DENND4A: variants seen among roughly 807,000 people sequenced by gnomAD.
DENND4A encodes the protein C-myc promoter-binding protein.
In DENND4A, 70 loss-of-function variants were observed where a neutral mutation model predicts 199.3. The observed-to-expected ratio is 0.35, with a 90% CI of 0.29 to 0.43. The LOEUF (loss-of-function observed/expected upper bound fraction) is 0.43, where lower values mean the gene tolerates loss of function less well. Among genes scored for constraint, DENND4A ranks in the 20% least tolerant of loss-of-function variants. The pLI is 1.00. For synonymous variants in DENND4A, 686 were observed against 766.9 expected (o/e 0.89, Z 1.74); for missense variants, 1,723 against 2,255.8 (o/e 0.76, Z 4.78).
intron 10 of DENND4A, 96 bp from the exon 11 acceptor site, chr15:65,729,343 A>ATT: frequency 7.1e-7 from 1 of 1,404,462 alleles, no homozygotes; most frequent in Non-Finnish European, 9.9e-7. Flanking sequence ...GTATTATCTA[A>ATT]AGCCTAATGC....
chr15:65,714,599 C>T (rs1334177703), intron 14 of DENND4A, among the ~76,000 whole-genome samples: 1 of 152,114 alleles, frequency 6.6e-6, no homozygotes, highest in Admixed American at 6.6e-5. Flanking sequence ...ATGCTGGCAC[C>T]TCTCTCATCT....
Position 65,696,297 on chromosome 15 carries a change from A to G in DENND4A, c.3082+69T>C. 3 of 1,522,884 alleles carry G rather than the reference A, an allele frequency of 2.0e-6. No homozygotes were observed. In the Admixed American group the frequency reaches 6.4e-5, roughly 32 times the overall value. The allele number at this position is 1,522,884 out of a possible 1,614,324, so 94.3% of individuals were successfully genotyped here. A position where few individuals can be genotyped will look rare whatever the true frequency, so the allele number is the denominator to read the frequency against. Reference sequence around the variant, plus strand: ...CTTGGAGAATTAAGACTATTAAAAAAATAAGTATTCACTAGTCATACAGAT... The same window carrying G: ...CTTGGAGAATTAAGACTATTAAAAAGATAAGTATTCACTAGTCATACAGAT... On this transcript the variant is annotated intron_variant, in intron 22 of 32. Transcript: ENST00000443035.
chr15:65,778,314 T>C (rs1596687457), intron 1 of DENND4A, among the ~76,000 whole-genome samples: 1 of 152,122 alleles, frequency 6.6e-6, no homozygotes, highest in Non-Finnish European at 1.5e-5. Context: ...TTTTCTTCTC[T>C]GGTGATAACA....
In DENND4A at chr15:65,706,099, T is replaced by C; in HGVS notation, c.2079A>G (p.Leu693=). The change falls in exon 15 of 33, where the codon TTA becomes TTG. Residue 693 remains leucine (L), a synonymous_variant. Coordinates refer to ENST00000443035, the MANE Select transcript of DENND4A (RefSeq NM_001320835.1). ...PHLPNGEEPP[L]QYSYNGFPVL... ...TTCTGCCTCTTGAATACCTGTACTGTAAAGGGGGTTCTTCACCATTGGGTA... is the reference window on the plus strand; with the variant it reads ...TTCTGCCTCTTGAATACCTGTACTGCAAAGGGGGTTCTTCACCATTGGGTA... 1 of 1,598,038 alleles carries C rather than the reference T, an allele frequency of 6.3e-7. No individual in the cohort carries two copies. The highest frequency in any genetic ancestry group is 1.7e-5 in the Admixed American group (1 of 57,566).
chr15:65,736,721 T>G (rs1298031033), intron 7 of DENND4A, among the ~76,000 whole-genome samples: 2 of 152,162 alleles, frequency 1.3e-5, no homozygotes, highest in Admixed American at 6.5e-5. Context: ...CCCTCCCTTT[T>G]CTACCTACAT....
intron 1 of DENND4A, chr15:65,771,222 C>A (rs721151): frequency 0.021 from 33,103 of 1,607,878 alleles, 448 homozygotes; most frequent in Middle Eastern, 0.066. Flanking sequence ...TTACAGTTGT[C>A]CATGCTCAAG....
At chr15:65,776,786 G>A (rs955707265) in intron 1 of DENND4A, among the ~76,000 whole-genome samples, 10 of 152,180 alleles carry the variant, frequency 6.6e-5, no homozygotes, top group Admixed American at 3.3e-4. Context: ...GTCCATCCAC[G>A]TGCAGTGGTG....
chr15:65,734,062 C>T (rs908603520), intron 7 of DENND4A, among the ~76,000 whole-genome samples: 1 of 152,158 alleles, frequency 6.6e-6, no homozygotes, highest in African/African-American at 2.4e-5. Flanking sequence ...GTCCCCTAGC[C>T]CGACACCTGT....
intron 1 of DENND4A, among the ~76,000 whole-genome samples, chr15:65,788,719 G>C (rs1395513080): frequency 6.6e-6 from 1 of 151,982 alleles, no homozygotes; most frequent in Non-Finnish European, 1.5e-5. Flanking sequence ...GCCAAGCACA[G>C]TGGTGCACAC....
chr15:65,723,862 C>T (rs2075722438), intron 11 of DENND4A, among the ~76,000 whole-genome samples: 1 of 152,098 alleles, frequency 6.6e-6, no homozygotes, highest in Non-Finnish European at 1.5e-5. Flanking sequence ...ATAACTGAAA[C>T]CATGGAAAAC....
intron 7 of DENND4A, among the ~76,000 whole-genome samples, chr15:65,735,717 G>T (rs928702367): frequency 6.6e-6 from 1 of 152,192 alleles, no homozygotes; most frequent in Non-Finnish European, 1.5e-5. Flanking sequence ...TGGTTGTCTT[G>T]ATTTTGGAAA....
intron 1 of DENND4A, among the ~76,000 whole-genome samples, chr15:65,767,748 G>A (rs181029215): frequency 6.6e-4 from 101 of 152,168 alleles, no homozygotes; most frequent in African/African-American, 2.3e-3. Flanking sequence ...GAAGCAGAAA[G>A]GAATCTACAG....
intron 23 of DENND4A, chr15:65,680,646 C>A (rs2076541157): frequency 6.6e-6 from 1 of 152,038 alleles, no homozygotes; most frequent in Admixed American, 6.6e-5. Context: ...AGTATAGCAA[C>A]AATAACCATT....
intron 1 of DENND4A, among the ~76,000 whole-genome samples, chr15:65,779,448 A>AAAAAAAAAAAAAAAAGAGAAGG (rs1203049619): frequency 7.1e-6 from 1 of 140,816 alleles, no homozygotes; most frequent in Non-Finnish European, 1.6e-5. Context: ...ACTCTGTCTC[A>AAAAAAAAAAAAAAAAGAGAAGG]AAAAAAAAAA....
rs1450343224 is a variant in DENND4A at position 65,718,014 on chromosome 15, G to A, written c.1589-18C>T. The A allele has an allele frequency of 1.9e-6, 3 of 1,539,846 alleles. No homozygotes were observed. Among genetic ancestry groups the A allele is most frequent in the Non-Finnish European group, 1.8e-6 (2 of 1,137,844 alleles). Reference sequence around the variant, plus strand: ...CTGCTGCACTGTGAAGACATACAGTGTTAGTGTTTTCTCCAAACTCACAAA... The same window carrying A: ...CTGCTGCACTGTGAAGACATACAGTATTAGTGTTTTCTCCAAACTCACAAA... On this transcript the variant is annotated intron_variant, in intron 12 of 32. Transcript: ENST00000443035.
At chr15:65,767,642 T>C (rs1348982994) in intron 1 of DENND4A, among the ~76,000 whole-genome samples, 2 of 152,136 alleles carry the variant, frequency 1.3e-5, no homozygotes, top group Admixed American at 6.5e-5. Context: ...CTGATACCAT[T>C]ATCGAGTACC....
intron 5 of DENND4A, among the ~76,000 whole-genome samples, chr15:65,740,779 A>C (rs1380585199): frequency 6.6e-6 from 1 of 151,904 alleles, no homozygotes; most frequent in Non-Finnish European, 1.5e-5. Flanking sequence ...TGGGCAACCT[A>C]AGAAAGACCC....
chr15:65,749,284 C>T (rs1034725550), intron 4 of DENND4A, among the ~76,000 whole-genome samples: 12 of 152,168 alleles, frequency 7.9e-5, no homozygotes, highest in Non-Finnish European at 1.5e-5. Context: ...CTTGCTTTAA[C>T]TACTAATTGA....
intron 32 of DENND4A, 84 bp downstream of exon 32, chr15:65,664,246 A>G (rs533207008): frequency 1.2e-5 from 9 of 770,990 alleles, no homozygotes; most frequent in Middle Eastern, 3.9e-4. Flanking sequence ...TATTACTAAT[A>G]AAGTATAACT....
Sources: gnomAD v4.1 joint callset for allele counts (sites outside exome capture counted in the v4.1 genomes callset) on GRCh38, gnomAD v4.1.1 for gene constraint, MANE v1.5 for transcripts, NCBI Gene and HGNC (gene_info 2026-07-23, HGNC 2026-07-21) for gene names.